MATR3: variants seen among roughly 807,000 people sequenced by gnomAD.
MATR3 encodes matrin-3.
In MATR3, 4 loss-of-function variants were observed where a neutral mutation model predicts 85.5. The observed-to-expected ratio is 0.05, with a 90% CI of 0.02 to 0.11. The LOEUF (loss-of-function observed/expected upper bound fraction) is 0.11, where lower values mean the gene tolerates loss of function less well. Ranked by LOEUF, MATR3 falls within the 10% of genes least tolerant of loss-of-function variation. The pLI, the probability that MATR3 is intolerant of heterozygous loss-of-function variation, is 1.00. For synonymous variants in MATR3, 336 were observed against 343.1 expected, an observed-to-expected ratio of 0.98 and a Z score of 0.23; for missense variants, 685 against 1,016.1, an observed-to-expected ratio of 0.67 and a Z score of 4.43.
chr5:139,307,039 A>G lies in MATR3; in HGVS notation c.-177-200A>G, dbSNP rs1363920254. The stretch of plus-strand genomic sequence containing the variant: ...GTCCCTTTAATAGTTAAGCTTTAGC[A>G]TGAAATACTACTTTTTAAATATCTA... On this transcript the variant is annotated intron_variant, in intron 1 of 14. Transcript: ENST00000394805. This position sits in a 1 kb window ranked among gnomAD's most constrained non-coding sequence, Gnocchi z 4.4. Among the ~76,000 whole-genome samples, 2 of 151,914 alleles carry G rather than the reference A, an allele frequency of 1.3e-5. No homozygotes were observed. Among genetic ancestry groups the G allele is most frequent in the Non-Finnish European group, 2.9e-5 (2 of 67,840 alleles).
intron 12 of MATR3, among the ~76,000 whole-genome samples, chr5:139,324,912 C>G (rs1238354971): frequency 2.0e-5 from 3 of 151,980 alleles, no homozygotes; most frequent in African/African-American, 4.8e-5. Flanking sequence ...AAAGACGCGG[C>G]CGGGCACGGT....
At chr5:139,306,750 C>T (rs1438757439) in intron 1 of MATR3, among the ~76,000 whole-genome samples, 1 of 152,134 alleles carries the variant, frequency 6.6e-6, no homozygotes, top group Non-Finnish European at 1.5e-5. Flanking sequence ...GTACTTGAAA[C>T]CTAAGCTTCA....
In MATR3 at chr5:139,331,617, G is replaced by A. The variant is rs886060005; in HGVS notation, c.*2222G>A. 4.4e-6 allele frequency: 2 copies of A among 453,810 alleles called. No homozygotes were observed. Among genetic ancestry groups the A allele is most frequent in the Non-Finnish European group, 8.8e-6 (2 of 226,766 alleles). 28.1% of individuals were successfully genotyped at this position (453,810 alleles called of 1,614,324 possible). A position where few individuals can be genotyped will look rare whatever the true frequency, so the allele number is the denominator to read the frequency against. On this transcript the variant is annotated 3_prime_UTR_variant, in exon 15 of 15. Transcript: ENST00000394805. ...GAACATTTTTCCTACGGCTATGTCAGCCCTTAGTTTAATCTTACATTATCC... is the reference window on the plus strand; with the variant it reads ...GAACATTTTTCCTACGGCTATGTCAACCCTTAGTTTAATCTTACATTATCC...
At chr5:139,320,301 C>A (rs957298306) in intron 9 of MATR3, among the ~76,000 whole-genome samples, 1 of 151,772 alleles carries the variant, frequency 6.6e-6, no homozygotes, top group African/African-American at 2.4e-5. Flanking sequence ...GAGCAAGACT[C>A]CATCTCAAAA....
chr5:139,315,001 CAT>C, intron 3 of MATR3: 1 of 409,354 alleles, frequency 2.4e-6, no homozygotes, highest in Non-Finnish European at 4.6e-6. Context: ...TTTTACTAGA[CAT>C]AGTGAAAGAT....
At chr5:139,311,606 C>T (rs1010415071) in intron 2 of MATR3, 5 of 151,868 alleles carry the variant, frequency 3.3e-5, no homozygotes, top group Non-Finnish European at 5.9e-5. Context: ...AGCTATGTAC[C>T]CTTTCTAGCT....
intron 14 of MATR3, among the ~76,000 whole-genome samples, chr5:139,327,796 T>C (rs1581265223): frequency 6.6e-6 from 1 of 152,188 alleles, no homozygotes; most frequent in Admixed American, 6.5e-5. Flanking sequence ...GAGAAGAATA[T>C]GGAAATAATA....
intron 3 of MATR3, among the ~76,000 whole-genome samples, chr5:139,281,785 T>C (rs1410024885): frequency 1.3e-5 from 2 of 152,176 alleles, no homozygotes; most frequent in Admixed American, 6.5e-5. Context: ...CCTCTTTTCA[T>C]TGCTTAGGCC....
At position 139,307,349 on chromosome 5, in the gene MATR3, T is replaced by G. The variant is rs1232156388; in HGVS notation, c.-67T>G. The G allele has an allele frequency of 1.1e-5, 17 of 1,559,768 alleles. No individual in the cohort carries two copies. Among genetic ancestry groups the G allele is most frequent in the Non-Finnish European group, 1.4e-5 (16 of 1,161,972 alleles). On this transcript the variant is annotated 5_prime_UTR_variant, in exon 2 of 15. Coordinates refer to ENST00000394805, the MANE Select transcript of MATR3 (RefSeq NM_018834.6). This position sits in a 1 kb window ranked among gnomAD's most constrained non-coding sequence, Gnocchi z 4.4. The stretch of plus-strand genomic sequence containing the variant: ...TAACCTAGCTTTCTAGTTTGAGCTT[T>G]CTTTTTGGCCGTCTTTAAAAAAATT...
At chr5:139,317,767 T>C (rs768682754) in intron 7 of MATR3, 46 bp downstream of exon 7, 2 of 1,468,412 alleles carry the variant, frequency 1.4e-6, no homozygotes, top group South Asian at 1.2e-5. Flanking sequence ...ATGCCACTAA[T>C]ATATGTTCTG....
rs1251481205 is a variant in MATR3 at position 139,330,971 on chromosome 5, T to A, written c.*1576T>A. The A allele has an allele frequency of 2.2e-6, 1 of 454,072 alleles. No homozygotes were observed. The highest frequency in any genetic ancestry group is 2.3e-5 in the Admixed American group (1 of 42,560). The allele number at this position is 454,072 out of a possible 1,614,324, so 28.1% of individuals were successfully genotyped here. ...ATACCTGGCTAGTTTTTGGTTTTTT[T>A]GTATAGATGGGGCTTTGCCATGTTG... On this transcript the variant is annotated 3_prime_UTR_variant, in exon 15 of 15. Coordinates refer to ENST00000394805, the MANE Select transcript of MATR3 (RefSeq NM_018834.6).
chr5:139,309,528 C>T (rs963112037), intron 2 of MATR3, among the ~76,000 whole-genome samples: 2 of 152,074 alleles, frequency 1.3e-5, no homozygotes, highest in Non-Finnish European at 2.9e-5. Flanking sequence ...TTACCAGTCA[C>T]TCCCTTTCCT....
At position 139,331,531 on chromosome 5, in the gene MATR3, G is replaced by A. The variant is rs533709198; in HGVS notation, c.*2136G>A. 20 of 454,086 alleles carry A rather than the reference G, an allele frequency of 4.4e-5. No homozygotes were observed. In the East Asian group the frequency reaches 9.0e-4, roughly 21 times the overall value. 28.1% of individuals were successfully genotyped at this position (454,086 alleles called of 1,614,324 possible). On this transcript the variant is annotated 3_prime_UTR_variant, in exon 15 of 15. Coordinates refer to ENST00000394805, the MANE Select transcript of MATR3 (RefSeq NM_018834.6). ...AGTGATAAATCTGTAACAGCCCTTC[G>A]ATTACGAGAAAACCTCTTTTTAGTA... is the stretch of plus-strand genomic sequence containing the variant.
intron 3 of MATR3, chr5:139,282,945 C>G (rs910245343): frequency 1.3e-5 from 2 of 152,416 alleles, no homozygotes. Context: ...ATTCTCCTGC[C>G]TCAGCCTCCC....
rs552172719 is a variant in MATR3, at chr5:139,311,750, C to CTTTTTTTTTTT, written c.913-2900_913-2890dup. On this transcript the variant is annotated intron_variant, in intron 2 of 14. Coordinates refer to ENST00000394805, the MANE Select transcript of MATR3 (RefSeq NM_018834.6). ...TTAATTGGTATTTGTTTAATTAATC[C>CTTTTTTTTTTT]TTTTTTTTTTTTTTTTTTTTTTTTT... The CTTTTTTTTTTT allele has an allele frequency of 4.0e-4, 26 of 65,238 alleles. 2 individuals are homozygous for CTTTTTTTTTTT. Among genetic ancestry groups the CTTTTTTTTTTT allele is most frequent in the African/African-American group, 1.2e-3 (18 of 15,364 alleles). 4.0% of individuals were successfully genotyped at this position (65,238 alleles called of 1,614,324 possible). A position where few individuals can be genotyped will look rare whatever the true frequency, so the allele number is the denominator to read the frequency against.
In MATR3 at chr5:139,314,716, A is replaced by T; in HGVS notation, c.954A>T (p.Arg318=). 6.2e-7 allele frequency: 1 copy of T among 1,613,882 alleles called. No homozygotes were observed. Among genetic ancestry groups the T allele is most frequent in the Non-Finnish European group, 8.5e-7 (1 of 1,179,856 alleles). Residue 318 remains arginine, a synonymous_variant, in exon 3 of 15, where the codon CGA becomes CGT. Coordinates refer to ENST00000394805, the MANE Select transcript of MATR3 (RefSeq NM_018834.6). ...TCAATGGAGCAAGTCACAGTCGTCGATGCCAGCTTCTTCTTGAAATGTAGG... is the reference window on the plus strand; with the variant it reads ...TCAATGGAGCAAGTCACAGTCGTCGTTGCCAGCTTCTTCTTGAAATGTAGG... ...QHINGASHSR[R]CQLLLEIYPE...
At chr5:139,317,891 T>G (rs1021157711) in intron 7 of MATR3, among the ~76,000 whole-genome samples, 170 bp downstream of exon 7, 2 of 152,200 alleles carry the variant, frequency 1.3e-5, no homozygotes, top group Non-Finnish European at 2.9e-5. Context: ...AATAGGGTAC[T>G]AATGGATTAT....
At chr5:139,292,251 C>CT (rs1753900390), upstream of MATR3, among the ~76,000 whole-genome samples, 1 of 152,102 alleles carries the variant, frequency 6.6e-6, no homozygotes, top group African/African-American at 2.4e-5. Flanking sequence ...CGAGATCTAC[C>CT]GTGCCTCAAA....
chr5:139,317,283 A>G (rs573732434), intron 6 of MATR3, among the ~76,000 whole-genome samples, 178 bp downstream of exon 6: 2 of 152,330 alleles, frequency 1.3e-5, no homozygotes, highest in African/African-American at 4.8e-5. Context: ...TTGTATGCCC[A>G]TAGTCCAGTG....
Sources: allele counts gnomAD v4.1 joint callset (sites outside exome capture counted in the v4.1 genomes callset), GRCh38; gene constraint gnomAD v4.1.1; non-coding constraint Gnocchi (gnomAD v3.1); transcripts MANE v1.5; gene names NCBI Gene and HGNC (gene_info 2026-07-23, HGNC 2026-07-21).